The following CASP5 variants were observed in gnomAD, a reference collection of about 807,000 sequenced individuals.
CASP5 encodes the protein caspase 5, also known as caspase-5.
In CASP5, 42 loss-of-function variants were observed where a neutral mutation model predicts 45.2. The ratio of observed to expected loss-of-function variants is 0.93; its 90% CI spans 0.73 to 1.20. CASP5 has a LOEUF of 1.20. Among genes scored for constraint, CASP5 ranks in the 50% most tolerant of loss-of-function variants. CASP5 has a pLI of 0.00. For synonymous variants in CASP5, 209 were observed against 186.2 expected (o/e 1.12, Z -1.00); for missense variants, 512 against 532.2 (o/e 0.96, Z 0.37).
intron 6 of CASP5, among the ~76,000 whole-genome samples, chr11:104,999,995 T>A (rs1861646962): frequency 6.6e-6 from 1 of 152,258 alleles, no homozygotes; most frequent in Admixed American, 6.5e-5. Flanking sequence ...TTTGAATATT[T>A]CTGTTTAACT....
Position 104,999,036 on chromosome 11 carries a change from G to C in CASP5, c.953-8C>G. On this transcript the variant is annotated splice_region_variant and splice_polypyrimidine_tract_variant and intron_variant, in intron 6 of 9. Coordinates refer to ENST00000260315, the MANE Select transcript of CASP5 (RefSeq NM_004347.5). ...AGAGTTCCCCATGTTTTTCTGTAGA[G>C]ACATCAACTTTCTTTTTTTTTTATG... 1 of 1,576,654 alleles carries C rather than the reference G, an allele frequency of 6.3e-7. No individual in the cohort carries two copies. The highest frequency in any genetic ancestry group is 8.6e-7 in the Non-Finnish European group (1 of 1,168,254).
intron 6 of CASP5, among the ~76,000 whole-genome samples, chr11:104,999,981 A>G (rs1339547705): frequency 6.6e-6 from 1 of 152,214 alleles, no homozygotes; most frequent in Non-Finnish European, 1.5e-5. Flanking sequence ...ATTCCATTTC[A>G]AAGTTTGAAT....
chr11:105,015,878 C>T (rs929024833), intron 1 of CASP5, among the ~76,000 whole-genome samples: 2 of 152,116 alleles, frequency 1.3e-5, no homozygotes, highest in Non-Finnish European at 2.9e-5. Flanking sequence ...AGAAACTCAA[C>T]AGCAAGGAAG....
At chr11:105,020,978 A>G (rs1305967735) in intron 1 of CASP5, among the ~76,000 whole-genome samples, 1 of 152,104 alleles carries the variant, frequency 6.6e-6, no homozygotes, top group Non-Finnish European at 1.5e-5. Context: ...TCAATGGAAC[A>G]GAACAGAGCC....
intron 1 of CASP5, among the ~76,000 whole-genome samples, chr11:105,016,858 C>T (rs1159789505): frequency 6.6e-6 from 1 of 151,606 alleles, no homozygotes; most frequent in African/African-American, 2.4e-5. Flanking sequence ...GGGCAGGGCA[C>T]AGACAAACAA....
intron 2 of CASP5, among the ~76,000 whole-genome samples, chr11:105,007,969 A>G (rs1862091356): frequency 1.3e-5 from 2 of 152,142 alleles, no homozygotes; most frequent in Admixed American, 6.6e-5. Flanking sequence ...TTTGAAATTG[A>G]AAATAATATC....
intron 1 of CASP5, among the ~76,000 whole-genome samples, chr11:105,014,969 C>T (rs1052533398): frequency 6.6e-6 from 1 of 152,192 alleles, no homozygotes; most frequent in African/African-American, 2.4e-5. Context: ...CAAGTGAGGG[C>T]TGGTCCCCTA....
chr11:105,022,064 A>G (rs994468038), intron 1 of CASP5, among the ~76,000 whole-genome samples: 3 of 150,894 alleles, frequency 2.0e-5, no homozygotes, highest in Non-Finnish European at 4.4e-5. Flanking sequence ...ACAAGAACAA[A>G]AAACCAAACA....
intron 1 of CASP5, among the ~76,000 whole-genome samples, chr11:105,020,779 G>T (rs1382927140): frequency 2.0e-5 from 3 of 152,118 alleles, no homozygotes; most frequent in Non-Finnish European, 4.4e-5. Flanking sequence ...AGCTACCAAT[G>T]ACTTTCTTCA....
Position 105,008,851 on chromosome 11 carries a change from T to C in CASP5, c.137A>G (p.Gln46Arg). 2 of 1,613,178 alleles carry C rather than the reference T, an allele frequency of 1.2e-6. No homozygotes were observed. Among genetic ancestry groups the C allele is most frequent in the Non-Finnish European group, 8.5e-7 (1 of 1,179,386 alleles). The change falls in exon 2 of 10, where the codon CAG (glutamine) becomes CGG (arginine). Residue 46 changes from glutamine to arginine, a missense_variant. Physicochemically the swap from Gln to Arg is conservative, Grantham distance 43. Transcript: ENST00000260315. ...TTGATCCGTATTAGGTACTAGGGTC[T>C]GGATAGATGTTTGTCCAGCCACGTT... ...KNNVAGQTSI[Q>R]TLVPNTDQKS...
intron 1 of CASP5, among the ~76,000 whole-genome samples, chr11:105,016,002 A>G (rs1862569651): frequency 6.6e-6 from 1 of 152,228 alleles, no homozygotes; most frequent in Non-Finnish European, 1.5e-5. Flanking sequence ...AGACAGAAAC[A>G]CCATCTAAAA....
At chr11:105,008,014 C>A (rs1347327518) in intron 2 of CASP5, among the ~76,000 whole-genome samples, 1 of 152,030 alleles carries the variant, frequency 6.6e-6, no homozygotes, top group Non-Finnish European at 1.5e-5. Context: ...TATGTGACAT[C>A]AGGTTAATCA....
At chr11:105,018,469 G>A in intron 1 of CASP5, among the ~76,000 whole-genome samples, 1 of 151,780 alleles carries the variant, frequency 6.6e-6, no homozygotes, top group East Asian at 1.9e-4. Flanking sequence ...GATCTGCCAA[G>A]CAAATGGAAA....
chr11:105,018,759 C>T (rs1177636908), intron 1 of CASP5, among the ~76,000 whole-genome samples: 3 of 142,512 alleles, frequency 2.1e-5, no homozygotes, highest in African/African-American at 7.7e-5. Context: ...GACAGAAAGT[C>T]AACAAGGATA....
intron 1 of CASP5, among the ~76,000 whole-genome samples, chr11:105,011,272 G>A (rs1216711714): frequency 1.3e-5 from 2 of 151,698 alleles, no homozygotes; most frequent in African/African-American, 4.8e-5. Flanking sequence ...TGAATATGTG[G>A]AGACATGTGA....
intron 1 of CASP5, among the ~76,000 whole-genome samples, chr11:105,010,951 C>T (rs150335659): frequency 5.5e-4 from 84 of 151,816 alleles, no homozygotes; most frequent in African/African-American, 2.0e-3. Flanking sequence ...TGATCAGAAT[C>T]CAGAGCCCCA....
intron 6 of CASP5, among the ~76,000 whole-genome samples, chr11:104,999,652 G>A (rs926318532): frequency 2.0e-5 from 3 of 152,152 alleles, no homozygotes; most frequent in African/African-American, 7.2e-5. Flanking sequence ...ATTCAACAAT[G>A]TGTAAATTAA....
chr11:105,022,753 A>G (rs1015837143), intron 1 of CASP5, among the ~76,000 whole-genome samples: 1 of 152,108 alleles, frequency 6.6e-6, no homozygotes, highest in Non-Finnish European at 1.5e-5. Flanking sequence ...GATTGTGGGG[A>G]GAAGGTTCAT....
At chr11:105,009,732 T>C (rs1288502440) in intron 1 of CASP5, among the ~76,000 whole-genome samples, 4 of 58,746 alleles carry the variant, frequency 6.8e-5, no homozygotes, top group African/African-American at 3.0e-4. Flanking sequence ...TATATATATA[T>C]ATATATATAT....
Sources: allele counts gnomAD v4.1 joint callset (sites outside exome capture counted in the v4.1 genomes callset), GRCh38; gene constraint gnomAD v4.1.1; transcripts MANE v1.5; gene names NCBI Gene and HGNC (gene_info 2026-07-23, HGNC 2026-07-21).